The following KLHL33 variants were observed in gnomAD, a reference collection of about 807,000 sequenced individuals.
KLHL33 encodes the protein kelch-like protein 33.
KLHL33 carries 46 observed loss-of-function variants against 60.8 expected under a neutral mutation model. That is an observed-to-expected ratio of 0.76 (90% CI 0.60 to 0.97). The LOEUF (loss-of-function observed/expected upper bound fraction) is 0.97. Among genes scored for constraint, KLHL33 ranks in the 50% least tolerant of loss-of-function variants. The pLI, the probability that KLHL33 is intolerant of heterozygous loss-of-function variation, is 0.00. For missense variants in KLHL33, 1,055 were observed against 1,000.0 expected (o/e 1.05, Z -0.74); for synonymous variants, 434 against 432.2 (o/e 1.00, Z -0.05).
At position 20,430,723 on chromosome 14, in the gene KLHL33, C is replaced by G. The variant is rs1294903461; in HGVS notation, c.749-4G>C. 1.8e-5 allele frequency: 27 copies of G among 1,499,216 alleles called. No individual in the cohort carries two copies. Among genetic ancestry groups the G allele is most frequent in the Non-Finnish European group, 2.2e-5 (25 of 1,127,640 alleles). 92.9% of individuals were successfully genotyped at this position (1,499,216 alleles called of 1,614,324 possible). On this transcript the variant is annotated splice_region_variant and splice_polypyrimidine_tract_variant and intron_variant, in intron 2 of 4. Transcript: ENST00000636854. ...CAGGCCAGGGCGGCTCGGTGCACTG[C>G]AGGAGGGGAGAAGGAATAGAGGAGG...
Position 20,435,623 on chromosome 14 carries a change from C to G in KLHL33, c.189G>C (p.Arg63Ser). 1 of 1,234,584 alleles carries G rather than the reference C, an allele frequency of 8.1e-7. No individual in the cohort carries two copies. Among genetic ancestry groups the G allele is most frequent in the South Asian group, 4.1e-5 (1 of 24,408 alleles). 76.5% of individuals were successfully genotyped at this position (1,234,584 alleles called of 1,614,324 possible). Reference sequence around the variant, plus strand: ...GGGACAAGGCTGGAAAGGGAAGGTTCCTTGGGACCAGGGGCCTGGAACCAG... The same window carrying G: ...GGGACAAGGCTGGAAAGGGAAGGTTGCTTGGGACCAGGGGCCTGGAACCAG... ...EEPGSRPLVP[R>S]NLPFPALSLE... The change falls in exon 2 of 5, where the codon AGG (arginine) becomes AGC (serine). Residue 63 changes from arginine (R) to serine (S), a missense_variant. By Grantham distance (110) the Arg-to-Ser change is moderately radical. Transcript: ENST00000636854.
chr14:20,429,816 T>C lies in KLHL33; in HGVS notation c.1652A>G (p.Asn551Ser), dbSNP rs954343131. The C allele has an allele frequency of 5.2e-6, 8 of 1,543,906 alleles. No homozygotes were observed. In the African/African-American group the frequency reaches 8.2e-5, roughly 16 times the overall value. Reference protein sequence around the residue: ...CGGQDFYSHSNTLASTLRWEP... With the variant: ...CGGQDFYSHSSTLASTLRWEP... ...ATACCTGAGAGTTGAAGCCAGGGTGTTGGAGTGACTGTAGAAATCTTGTCC... is the reference window on the plus strand; with the variant it reads ...ATACCTGAGAGTTGAAGCCAGGGTGCTGGAGTGACTGTAGAAATCTTGTCC... Residue 551 changes from asparagine to serine, a missense_variant, in exon 3 of 5, where the codon AAC (asparagine) becomes AGC (serine). Transcript: ENST00000636854.
In KLHL33 at chr14:20,426,946, C is replaced by T. The variant is rs1421836148; in HGVS notation, c.*1903G>A. The T allele has an allele frequency of 6.8e-6, 1 of 146,428 alleles. No homozygotes were observed. The highest frequency in any genetic ancestry group is 1.5e-5 in the Non-Finnish European group (1 of 67,532). The allele number at this position is 146,428 out of a possible 1,614,324, so 9.1% of individuals were successfully genotyped here. On this transcript the variant is annotated 3_prime_UTR_variant, in exon 5 of 5. Coordinates refer to ENST00000636854, the MANE Select transcript of KLHL33 (RefSeq NM_001365790.2). Reference sequence around the variant, plus strand: ...CTATCGCAAGGACAAAAAAACCAAACACCGCATGTTCTCACTCATAGGTGG... The same window carrying T: ...CTATCGCAAGGACAAAAAAACCAAATACCGCATGTTCTCACTCATAGGTGG...
Position 20,429,974 on chromosome 14 carries a change from C to G in KLHL33, c.1494G>C (p.Trp498Cys). ...CCACGCCACAGCGGAAGGCCCGGGC[C>G]CACCACACTGCTCGGGATGGTTGTC... The part of the protein sequence containing the change: ...ALRQPSRAVW[W>C]ARAFRCGVGL... The change falls in exon 3 of 5, where the codon TGG becomes TGC. Residue 498 changes from tryptophan (W) to cysteine (C), a missense_variant. Coordinates refer to ENST00000636854, the MANE Select transcript of KLHL33 (RefSeq NM_001365790.2). 6.4e-7 allele frequency: 1 copy of G among 1,551,706 alleles called. No individual in the cohort carries two copies.
In KLHL33 at chr14:20,429,352, A is replaced by G; in HGVS notation, c.1891T>C (p.Leu631=). 1 of 1,551,776 alleles carries G rather than the reference A, an allele frequency of 6.4e-7. No homozygotes were observed. Among genetic ancestry groups the G allele is most frequent in the African/African-American group, 1.4e-5 (1 of 73,186 alleles). ...APCFAHAAAI[L]EGQLYVSGGC... ...CCGCTCACGTACAACTGGCCCTCCA[A>G]AATCGCAGCTGCGTGGGCAAAACAT... The change falls in exon 5 of 5, where the codon TTG becomes CTG. Residue 631 remains leucine, a synonymous_variant. Coordinates refer to ENST00000636854, the MANE Select transcript of KLHL33 (RefSeq NM_001365790.2).
rs372157970 is a variant in KLHL33, at chr14:20,429,088, G to C, written c.2155C>G (p.His719Asp). Residue 719 changes from histidine to aspartate, a missense_variant, in exon 5 of 5, where the codon CAT (histidine) becomes GAT (aspartate). By Grantham distance (81) the His-to-Asp change is moderately conservative (BLOSUM62 -1). Coordinates refer to ENST00000636854, the MANE Select transcript of KLHL33 (RefSeq NM_001365790.2). Reference protein sequence around the residue: ...WTHLAPLPSPHVGAASAVLQG... With the variant: ...WTHLAPLPSPDVGAASAVLQG... ...AGCACAGCACTTGCAGCCCCCACATGGGGGGAGGGTAGGGGTGCCAGGTGA... is the reference window on the plus strand; with the variant it reads ...AGCACAGCACTTGCAGCCCCCACATCGGGGGAGGGTAGGGGTGCCAGGTGA... 6 of 1,551,522 alleles carry C rather than the reference G, an allele frequency of 3.9e-6. No homozygotes were observed. Among genetic ancestry groups the C allele is most frequent in the Admixed American group, 3.9e-5 (2 of 50,988 alleles).
At position 20,435,416 on chromosome 14, in the gene KLHL33, G is replaced by C; in HGVS notation, c.396C>G (p.Ala132=). 8.1e-7 allele frequency: 1 copy of C among 1,234,374 alleles called. No homozygotes were observed. The highest frequency in any genetic ancestry group is 1.0e-6 in the Non-Finnish European group (1 of 988,176). 76.5% of individuals were successfully genotyped at this position (1,234,374 alleles called of 1,614,324 possible). A position where few individuals can be genotyped will look rare whatever the true frequency, so the allele number is the denominator to read the frequency against. The change falls in exon 2 of 5, where the codon GCC becomes GCG. Residue 132 remains alanine (A), a synonymous_variant. Transcript: ENST00000636854. The part of the protein sequence containing the change: ...RVYGVHRVIL[A]AISSLFRDRL... The stretch of plus-strand genomic sequence containing the variant: ...TGTCTCGGAAGAGGCTGCTGATTGC[G>C]GCCAGGATCACCCGATGCACCCCGT...
rs779337816 is a variant in KLHL33, at chr14:20,429,057, C to T, written c.2186G>A (p.Gly729Glu). The change falls in exon 5 of 5, where the codon GGG (glycine) becomes GAG (glutamate). Residue 729 changes from glycine to glutamate, a missense_variant. Coordinates refer to ENST00000636854, the MANE Select transcript of KLHL33 (RefSeq NM_001365790.2). ...HVGAASAVLQGELLVLGGYSH... is the reference protein window; with the variant it reads ...HVGAASAVLQEELLVLGGYSH... ...GTAGCCCCCGAGCACCAGTAGCTCC[C>T]CCTGCAGCACAGCACTTGCAGCCCC... 18 of 1,551,600 alleles carry T rather than the reference C, an allele frequency of 1.2e-5. No homozygotes were observed. Among genetic ancestry groups the T allele is most frequent in the Non-Finnish European group, 1.5e-5 (17 of 1,147,008 alleles).
At chr14:20,435,006 A>G in intron 2 of KLHL33, 58 bp downstream of exon 2, 2 of 1,215,802 alleles carry the variant, frequency 1.6e-6, no homozygotes, top group Non-Finnish European at 2.1e-6. Flanking sequence ...TGCTGCTTGC[A>G]CACACCATTC....
chr14:20,430,787 T>G, intron 2 of KLHL33, 68 bp from the exon 3 acceptor site: 1 of 1,180,020 alleles, frequency 8.5e-7, no homozygotes, highest in South Asian at 1.6e-5. Flanking sequence ...TTACCCCAAC[T>G]TGGTACTCTA....
rs1031299542 is a variant in KLHL33, at chr14:20,427,673, T to C, written c.*1176A>G. 1.1e-4 allele frequency: 17 copies of C among 152,206 alleles called. No individual in the cohort carries two copies. The highest frequency in any genetic ancestry group is 4.1e-4 in the African/African-American group (17 of 41,440). 9.4% of individuals were successfully genotyped at this position (152,206 alleles called of 1,614,324 possible). A position where few individuals can be genotyped will look rare whatever the true frequency, so the allele number is the denominator to read the frequency against. On this transcript the variant is annotated 3_prime_UTR_variant, in exon 5 of 5. Coordinates refer to ENST00000636854, the MANE Select transcript of KLHL33 (RefSeq NM_001365790.2). ...TACATGTAAGTCCACTCAAAATTTGTATTTGTTTATGTCTATCTGCTGGTC... is the reference window on the plus strand; with the variant it reads ...TACATGTAAGTCCACTCAAAATTTGCATTTGTTTATGTCTATCTGCTGGTC...
At chr14:20,434,620 G>C (rs989453444) in intron 2 of KLHL33, among the ~76,000 whole-genome samples, 5 of 151,804 alleles carry the variant, frequency 3.3e-5, no homozygotes, top group Non-Finnish European at 5.9e-5. Context: ...GGGCCCATAA[G>C]TCAGCCATGG....
Position 20,435,436 on chromosome 14 carries a change from C to T in KLHL33, c.376G>A (p.Val126Met). ...ATTGCGGCCAGGATCACCCGATGCACCCCGTATACCCGCCCCGCGACTGAC... is the reference window on the plus strand; with the variant it reads ...ATTGCGGCCAGGATCACCCGATGCATCCCGTATACCCGCCCCGCGACTGAC... ...EVSVAGRVYG[V>M]HRVILAAISS... The change falls in exon 2 of 5, where the codon GTG becomes ATG. Residue 126 changes from valine to methionine, a missense_variant. By Grantham distance (21) the Val-to-Met change is conservative. Transcript: ENST00000636854. 1.6e-6 allele frequency: 2 copies of T among 1,234,424 alleles called. No homozygotes were observed. Among genetic ancestry groups the T allele is most frequent in the Non-Finnish European group, 2.0e-6 (2 of 988,184 alleles). The allele number at this position is 1,234,424 out of a possible 1,614,324, so 76.5% of individuals were successfully genotyped here.
At position 20,435,451 on chromosome 14, in the gene KLHL33, C is replaced by T. The variant is rs575044445; in HGVS notation, c.361G>A (p.Gly121Arg). ...ACCCGATGCACCCCGTATACCCGCC[C>T]CGCGACTGACACCTCTTCGTCCAGC... ...LLLDEEVSVAGRVYGVHRVIL... is the reference protein window; with the variant it reads ...LLLDEEVSVARRVYGVHRVIL... The change falls in exon 2 of 5, where the codon GGG becomes AGG. Residue 121 changes from glycine (G) to arginine (R), a missense_variant. Physicochemically the swap from Gly to Arg is moderately radical, Grantham distance 125. Coordinates refer to ENST00000636854, the MANE Select transcript of KLHL33 (RefSeq NM_001365790.2). 1.3e-4 allele frequency: 164 copies of T among 1,234,504 alleles called. No individual in the cohort carries two copies. In the African/African-American group the frequency reaches 2.0e-3, roughly 15 times the overall value. The allele number at this position is 1,234,504 out of a possible 1,614,324, so 76.5% of individuals were successfully genotyped here. A position where few individuals can be genotyped will look rare whatever the true frequency, so the allele number is the denominator to read the frequency against.
intron 2 of KLHL33, among the ~76,000 whole-genome samples, chr14:20,432,328 AC>A (rs1010176535): frequency 5.9e-5 from 9 of 151,952 alleles, no homozygotes; most frequent in Admixed American, 5.2e-4. Flanking sequence ...GGACAGGCTA[AC>A]CTTGAACTCC....
intron 1 of KLHL33, 119 bp from the exon 2 acceptor site, chr14:20,435,949 T>C: frequency 1.5e-6 from 1 of 646,864 alleles, no homozygotes. Flanking sequence ...ACCCTCCTCC[T>C]ACCCTCAGCC....
Position 20,429,852 on chromosome 14 carries a change from T to G in KLHL33, c.1616A>C (p.Tyr539Ser), listed in dbSNP as rs781458080. The G allele has an allele frequency of 2.6e-6, 4 of 1,551,564 alleles. No individual in the cohort carries two copies. Among genetic ancestry groups the G allele is most frequent in the Non-Finnish European group, 8.7e-7 (1 of 1,146,806 alleles). ...GAASLAGSEL[Y>S]VCGGQDFYSH... ...GTAGAAATCTTGTCCCCCACACACA[T>G]AGAGTTCACTTCCTGCCAGGCTTGC... is the stretch of plus-strand genomic sequence containing the variant. The change falls in exon 3 of 5, where the codon TAT becomes TCT. Residue 539 changes from tyrosine to serine, a missense_variant. Transcript: ENST00000636854.
In KLHL33 at chr14:20,430,225, G is replaced by T; in HGVS notation, c.1243C>A (p.Gln415Lys). 6 of 1,551,602 alleles carry T rather than the reference G, an allele frequency of 3.9e-6. No homozygotes were observed. Among genetic ancestry groups the T allele is most frequent in the Non-Finnish European group, 5.2e-6 (6 of 1,146,996 alleles). The change falls in exon 3 of 5, where the codon CAG becomes AAG. Residue 415 changes from glutamine (Q) to lysine (K), a missense_variant. By Grantham distance (53) the Gln-to-Lys change is moderately conservative (BLOSUM62 1). Transcript: ENST00000636854. Reference protein sequence around the residue: ...RCWLAANPETQESEAKALLRC... With the variant: ...RCWLAANPETKESEAKALLRC... ...AGCAGGGCCTTGGCCTCTGACTCCT[G>T]GGTCTCGGGGTTGGCAGCCAGCCAA...
Position 20,427,291 on chromosome 14 carries a change from A to G in KLHL33, c.*1558T>C, listed in dbSNP as rs1880318330. 1.3e-5 allele frequency: 2 copies of G among 152,166 alleles called. No homozygotes were observed. The highest frequency in any genetic ancestry group is 2.4e-5 in the African/African-American group (1 of 41,448). The allele number at this position is 152,166 out of a possible 1,614,324, so 9.4% of individuals were successfully genotyped here. ...GCTCTCAGCTGTCCAGTAGGCAGAA[A>G]TGGAAAGAGCAGACAGGAAGGATAG... On this transcript the variant is annotated 3_prime_UTR_variant, in exon 5 of 5. Coordinates refer to ENST00000636854, the MANE Select transcript of KLHL33 (RefSeq NM_001365790.2).
Sources: gnomAD v4.1 joint callset for allele counts (sites outside exome capture counted in the v4.1 genomes callset) on GRCh38, gnomAD v4.1.1 for gene constraint, MANE v1.5 for transcripts, NCBI Gene and HGNC (gene_info 2026-07-23, HGNC 2026-07-21) for gene names.